The following ME3 variants were observed in gnomAD, a reference collection of about 807,000 sequenced individuals.
The protein encoded by ME3 is NADP-dependent malic enzyme, mitochondrial.
ME3 carries 48 observed loss-of-function variants against 68.9 expected under a neutral mutation model. The observed-to-expected ratio is 0.70, with a 90% CI of 0.55 to 0.89. The LOEUF is 0.89. Ranked by LOEUF, ME3 falls within the 40% of genes least tolerant of loss-of-function variation. The pLI is 0.00. For synonymous variants in ME3, 320 were observed against 318.8 expected, an observed-to-expected ratio of 1.00 and a Z score of -0.04; for missense variants, 675 against 797.4, an observed-to-expected ratio of 0.85 and a Z score of 1.85.
chr11:86,540,191 A>G (rs1211816670), intron 4 of ME3, among the ~76,000 whole-genome samples: 2 of 152,246 alleles, frequency 1.3e-5, no homozygotes, highest in African/African-American at 4.8e-5. Context: ...TCTGGATTGA[A>G]TGATGGTTGC....
chr11:86,553,514 C>T (rs1457410667), intron 4 of ME3, among the ~76,000 whole-genome samples: 1 of 152,160 alleles, frequency 6.6e-6, no homozygotes, highest in Non-Finnish European at 1.5e-5. Context: ...CCCCCAGGAG[C>T]AAGGCAGGTG....
intron 2 of ME3, among the ~76,000 whole-genome samples, chr11:86,612,861 C>T (rs1942687570): frequency 6.6e-6 from 1 of 152,136 alleles, no homozygotes; most frequent in Non-Finnish European, 1.5e-5. Flanking sequence ...CTGTAGATTG[C>T]CTGTTCACTC....
chr11:86,523,855 A>G (rs1471768912), intron 4 of ME3, among the ~76,000 whole-genome samples: 1 of 152,182 alleles, frequency 6.6e-6, no homozygotes, highest in Non-Finnish European at 1.5e-5. Context: ...CTCTGTCCAA[A>G]TAGAATATCA....
chr11:86,536,294 TTAAAC>T lies in ME3; in HGVS notation c.467+20254_467+20258del, dbSNP rs1205807646. 2.0e-5 allele frequency among the ~76,000 whole-genome samples: 3 copies of T among 149,940 alleles called. No individual in the cohort carries two copies. The East Asian group carries it at 5.8e-4, about 29-fold the overall frequency. ...GACAAAATTGACAAATGGGATCTAA[TTAAAC>T]TAAAGAGCTTCTGCACAGCAAAAGA... On this transcript the variant is annotated intron_variant, in intron 4 of 14. Transcript: ENST00000543262.
At chr11:86,507,408 T>C (rs182085052) in intron 5 of ME3, among the ~76,000 whole-genome samples, 1 of 152,262 alleles carries the variant, frequency 6.6e-6, no homozygotes, top group East Asian at 1.9e-4. Context: ...TACCATGGCC[T>C]CCCAGGCAAG....
chr11:86,538,248 A>G (rs951342077), intron 4 of ME3, among the ~76,000 whole-genome samples: 12 of 152,194 alleles, frequency 7.9e-5, no homozygotes, highest in Non-Finnish European at 1.6e-4. Context: ...GAACAAGGAA[A>G]GACGTTGGAA....
chr11:86,629,192 G>A (rs754050180), intron 2 of ME3, among the ~76,000 whole-genome samples: 3 of 152,188 alleles, frequency 2.0e-5, no homozygotes, highest in African/African-American at 4.8e-5. Flanking sequence ...ACCAGGTCAT[G>A]AGAATGTCTA....
intron 2 of ME3, among the ~76,000 whole-genome samples, chr11:86,656,385 G>A (rs1343706475): frequency 3.3e-5 from 5 of 151,906 alleles, no homozygotes; most frequent in Admixed American, 3.3e-4. Flanking sequence ...TTAAGAAAAT[G>A]TGGCACATAT....
intron 4 of ME3, among the ~76,000 whole-genome samples, chr11:86,534,669 T>C (rs1955524301): frequency 6.6e-6 from 1 of 152,044 alleles, no homozygotes; most frequent in South Asian, 2.1e-4. Context: ...AGCAAGACTA[T>C]ATCTCAAAAT....
At chr11:86,463,397 C>T (rs1225963673) in intron 8 of ME3, among the ~76,000 whole-genome samples, 8 of 152,216 alleles carry the variant, frequency 5.3e-5, no homozygotes, top group African/African-American at 1.9e-4. Context: ...GGCCAAGGCA[C>T]ACTCCCACCT....
chr11:86,540,187 T>A (rs1044853039), intron 4 of ME3, among the ~76,000 whole-genome samples: 1 of 152,174 alleles, frequency 6.6e-6, no homozygotes, highest in Non-Finnish European at 1.5e-5. Context: ...GAGTTCTGGA[T>A]TGAATGATGG....
At chr11:86,661,358 G>A (rs539818916) in intron 2 of ME3, among the ~76,000 whole-genome samples, 3 of 152,236 alleles carry the variant, frequency 2.0e-5, no homozygotes, top group Non-Finnish European at 4.4e-5. Context: ...GATCCGGTAT[G>A]GATGGGGCAC....
intron 2 of ME3, among the ~76,000 whole-genome samples, chr11:86,629,078 A>C (rs924652110): frequency 6.6e-6 from 1 of 152,242 alleles, no homozygotes; most frequent in East Asian, 1.9e-4. Flanking sequence ...TTGTTCCTGC[A>C]AAACCTAACT....
Position 86,560,748 on chromosome 11 carries a change from GTATATATA to G in ME3, c.184-933_184-926del, listed in dbSNP as rs142056305. On this transcript the variant is annotated intron_variant, in intron 2 of 14. Transcript: ENST00000543262. ...TGTATGTGTGTGTGTGTGTGTGTGT[GTATATATA>G]TATATATATATATATATTTCCAGGA... Among the ~76,000 whole-genome samples, 20 of 62,528 alleles carry G rather than the reference GTATATATA, an allele frequency of 3.2e-4. 1 individual carries two copies. The East Asian group carries it at 0.01, about 31-fold the overall frequency. 41.0% of individuals were successfully genotyped at this position (62,528 alleles called of 152,430 possible). A position where few individuals can be genotyped will look rare whatever the true frequency, so the allele number is the denominator to read the frequency against.
intron 2 of ME3, among the ~76,000 whole-genome samples, chr11:86,637,967 T>TACACACACAC (rs5793205): frequency 0.015 from 2,243 of 145,120 alleles, 28 homozygotes; most frequent in Middle Eastern, 0.052. Flanking sequence ...TGCTCATGCA[T>TACACACACAC]ACACACACAC....
intron 2 of ME3, among the ~76,000 whole-genome samples, chr11:86,659,058 C>T (rs1452471785): frequency 1.3e-5 from 2 of 152,092 alleles, no homozygotes; most frequent in African/African-American, 4.8e-5. Context: ...GCTAAGCTTT[C>T]TGTCAGTTTG....
intron 7 of ME3, among the ~76,000 whole-genome samples, chr11:86,480,774 A>G (rs1951358266): frequency 6.6e-6 from 1 of 152,206 alleles, no homozygotes; most frequent in Non-Finnish European, 1.5e-5. Context: ...CAGCAGAAAC[A>G]ATGGGCACAG....
At chr11:86,613,204 A>T (rs1942717449) in intron 2 of ME3, among the ~76,000 whole-genome samples, 1 of 152,186 alleles carries the variant, frequency 6.6e-6, no homozygotes, top group Admixed American at 6.5e-5. Flanking sequence ...TTTGTCGAAG[A>T]TCAGATGGTT....
chr11:86,537,849 A>G (rs1181884955), intron 4 of ME3, among the ~76,000 whole-genome samples: 2 of 152,192 alleles, frequency 1.3e-5, no homozygotes, highest in Non-Finnish European at 2.9e-5. Flanking sequence ...TGTGGAGGCC[A>G]TTAAACATCC....
Sources: allele counts gnomAD v4.1 joint callset (sites outside exome capture counted in the v4.1 genomes callset), GRCh38; gene constraint gnomAD v4.1.1; transcripts MANE v1.5; gene names NCBI Gene and HGNC (gene_info 2026-07-23, HGNC 2026-07-21).